UXS1: variants seen among roughly 807,000 people sequenced by gnomAD.
UXS1 encodes UDP-glucuronate decarboxylase 1.
In UXS1, 33 loss-of-function variants were observed where a neutral mutation model predicts 62.6. The observed-to-expected ratio is 0.53, with a 90% CI of 0.40 to 0.70. The LOEUF (loss-of-function observed/expected upper bound fraction) is 0.70, where lower values mean the gene tolerates loss of function less well. Among genes scored for constraint, UXS1 ranks in the 30% least tolerant of loss-of-function variants. The pLI, the probability that UXS1 is intolerant of heterozygous loss-of-function variation, is 0.00. For synonymous variants in UXS1, 213 were observed against 206.8 expected, an observed-to-expected ratio of 1.03 and a Z score of -0.26; for missense variants, 434 against 556.3, an observed-to-expected ratio of 0.78 and a Z score of 2.21.
At chr2:106,138,325 T>C (rs1199932899) in intron 6 of UXS1, 2 of 985,458 alleles carry the variant, frequency 2.0e-6, no homozygotes, top group East Asian at 1.1e-4. Flanking sequence ...AGCGCTGCCT[T>C]GTCCAGAGAT....
At chr2:106,166,585 A>C (rs1178017164) in intron 1 of UXS1, 1 of 153,530 alleles carries the variant, frequency 6.5e-6, no homozygotes. Context: ...CAGCCTGATA[A>C]ATTTTGCAAA....
In UXS1 at chr2:106,158,063, T is replaced by C; in HGVS notation, c.286A>G (p.Ile96Val). 1 of 1,564,136 alleles carries C rather than the reference T, an allele frequency of 6.4e-7. No homozygotes were observed. Among genetic ancestry groups the C allele is most frequent in the African/African-American group, 1.4e-5 (1 of 73,852 alleles). ...KFLSEKDRKR[I>V]LITGGAGFVG... The stretch of plus-strand genomic sequence containing the variant: ...ATTCAGGTGTGCAAACTTACCAAAA[T>C]TCTTTTCCGATCCTTTTCTGATAAA... Residue 96 changes from isoleucine (I) to valine (V), a missense_variant, in exon 5 of 15, where the codon ATT becomes GTT. Physicochemically the swap from Ile to Val is conservative, Grantham distance 29. Around this residue, in one of 3 missense-constraint regions of UXS1, gnomAD observed 134 missense variants for 251.9 expected, o/e 0.53. Coordinates refer to ENST00000283148, the MANE Select transcript of UXS1 (RefSeq NM_001253875.2).
chr2:106,129,034 T>C (rs754869805), intron 7 of UXS1, among the ~76,000 whole-genome samples: 2 of 152,202 alleles, frequency 1.3e-5, no homozygotes, highest in Non-Finnish European at 2.9e-5. Flanking sequence ...TGCCTCTAAT[T>C]TTAAACATTA....
At chr2:106,169,696 GA>G (rs1226090172) in intron 1 of UXS1, among the ~76,000 whole-genome samples, 3 of 152,070 alleles carry the variant, frequency 2.0e-5, no homozygotes, top group South Asian at 2.1e-4. Flanking sequence ...TCAGAAAAAA[GA>G]AAAAAAGTTG....
intron 6 of UXS1, chr2:106,138,904 C>A: frequency 2.0e-6 from 2 of 983,572 alleles, no homozygotes; most frequent in African/African-American, 1.7e-5. Flanking sequence ...GCAGCAGAGT[C>A]TGTTGGTTAA....
At chr2:106,162,274 G>C (rs1682945803) in intron 4 of UXS1, among the ~76,000 whole-genome samples, 1 of 152,152 alleles carries the variant, frequency 6.6e-6, no homozygotes. Context: ...AAATTCTTAG[G>C]ATTGAATTCT....
chr2:106,138,323 C>T (rs1478228068), intron 6 of UXS1: 1 of 985,632 alleles, frequency 1.0e-6, no homozygotes, highest in South Asian at 4.7e-5. Context: ...TCAGCGCTGC[C>T]TTGTCCAGAG....
chr2:106,101,819 T>C (rs1677622929), intron 11 of UXS1: 1 of 152,268 alleles, frequency 6.6e-6, no homozygotes, highest in African/African-American at 2.4e-5. Context: ...TTGGTTCTTA[T>C]TTTCAGAAGC....
chr2:106,128,861 T>G (rs1233758406), intron 7 of UXS1, among the ~76,000 whole-genome samples: 1 of 152,208 alleles, frequency 6.6e-6, no homozygotes, highest in Non-Finnish European at 1.5e-5. Flanking sequence ...CAAATTAAAA[T>G]TTAGTGCTGT....
Position 106,175,653 on chromosome 2 carries a change from G to A in UXS1, c.95-9570C>T, listed in dbSNP as rs140660302. Among the ~76,000 whole-genome samples, 332 of 152,286 alleles carry A rather than the reference G, an allele frequency of 2.2e-3. 1 individual carries two copies. The highest frequency in any genetic ancestry group is 7.8e-3 in the African/African-American group (323 of 41,566). ...AGAGCCCTGAACCACCATGCGTGAAGTCTGACCACGTGAGGCCAGACAGGT... is the reference window on the plus strand; with the variant it reads ...AGAGCCCTGAACCACCATGCGTGAAATCTGACCACGTGAGGCCAGACAGGT... On this transcript the variant is annotated intron_variant, in intron 1 of 14. Transcript: ENST00000283148.
intron 6 of UXS1, among the ~76,000 whole-genome samples, chr2:106,131,198 C>T (rs1229406253): frequency 6.7e-6 from 1 of 150,086 alleles, no homozygotes; most frequent in Admixed American, 6.6e-5. Flanking sequence ...CTTTTCAGAC[C>T]GGCTTAAAAA....
chr2:106,142,072 G>A (rs569757640), intron 6 of UXS1, among the ~76,000 whole-genome samples: 9 of 150,626 alleles, frequency 6.0e-5, no homozygotes, highest in South Asian at 4.2e-4. Context: ...GGGTTTCACC[G>A]CGTTGCCCAG....
chr2:106,105,705 T>A (rs1678002650), intron 10 of UXS1, among the ~76,000 whole-genome samples: 1 of 152,180 alleles, frequency 6.6e-6, no homozygotes, highest in African/African-American at 2.4e-5. Context: ...GGGATGAGCA[T>A]CTGCTGAATG....
intron 1 of UXS1, among the ~76,000 whole-genome samples, chr2:106,172,140 A>T (rs542295830): frequency 6.6e-6 from 1 of 152,348 alleles, no homozygotes; most frequent in Non-Finnish European, 1.5e-5. Context: ...GGGGTCTGTG[A>T]TGGAAATGCA....
chr2:106,159,414 G>A (rs768291248), intron 4 of UXS1: 4 of 152,206 alleles, frequency 2.6e-5, no homozygotes, highest in Non-Finnish European at 4.4e-5. Flanking sequence ...AGCATCTTCT[G>A]TCTCTGTGGA....
At chr2:106,122,908 T>A in intron 9 of UXS1, 62 bp downstream of exon 9, 1 of 1,593,488 alleles carries the variant, frequency 6.3e-7, no homozygotes, top group Non-Finnish European at 8.6e-7. Context: ...TTACAACACT[T>A]TACATCTGAG....
chr2:106,094,221 G>GAAGT lies in UXS1; in HGVS notation c.1147-68_1147-65dup, dbSNP rs1040835128. The GAAGT allele has an allele frequency of 7.0e-5, 112 of 1,603,206 alleles. No individual in the cohort carries two copies. In the Admixed American group the frequency reaches 1.8e-3, roughly 26 times the overall value. On this transcript the variant is annotated intron_variant, in intron 14 of 14. Transcript: ENST00000283148. ...ATTGACAGAAGGGCATCGCAGGAAG[G>GAAGT]AAGTGCCACCTTGCAGGAAGGAAGT...
intron 10 of UXS1, among the ~76,000 whole-genome samples, chr2:106,109,124 T>C (rs1365508559): frequency 6.6e-6 from 1 of 152,080 alleles, no homozygotes; most frequent in Non-Finnish European, 1.5e-5. Flanking sequence ...TCCCTGCTCC[T>C]TGGCTGTAAA....
chr2:106,109,430 G>C (rs913948020), intron 10 of UXS1, among the ~76,000 whole-genome samples: 2 of 152,112 alleles, frequency 1.3e-5, no homozygotes, highest in Admixed American at 6.5e-5. Flanking sequence ...GAATAGCAAG[G>C]CTTTTAAAAT....
Sources: allele counts gnomAD v4.1 joint callset (sites outside exome capture counted in the v4.1 genomes callset), GRCh38; gene constraint gnomAD v4.1.1; regional missense constraint gnomAD v4.1.1; transcripts MANE v1.5; gene names NCBI Gene and HGNC (gene_info 2026-07-23, HGNC 2026-07-21).